The following THOC5 variants were observed in gnomAD, a reference collection of about 807,000 sequenced individuals.
THOC5 encodes THO complex subunit 5, also known as Fms-interacting protein.
In THOC5, 43 loss-of-function variants were observed where a neutral mutation model predicts 92.9. The observed-to-expected ratio is 0.46, with a 90% CI of 0.36 to 0.60. THOC5 has a LOEUF of 0.60. Among genes scored for constraint, THOC5 ranks in the 20% least tolerant of loss-of-function variants. THOC5 has a pLI of 0.00. For missense variants in THOC5, 659 were observed against 849.4 expected (o/e 0.78, Z 2.79); for synonymous variants, 296 against 320.1 (o/e 0.92, Z 0.80).
chr22:29,528,286 C>T, intron 10 of THOC5, 109 bp from the exon 11 acceptor site: 3 of 1,614,014 alleles, frequency 1.9e-6, no homozygotes, highest in South Asian at 1.1e-5. Context: ...GCTGCTTCAG[C>T]TAGCTGGGTT....
At chr22:29,545,400 C>T (rs767106076) in intron 2 of THOC5, among the ~76,000 whole-genome samples, 43 of 152,142 alleles carry the variant, frequency 2.8e-4, no homozygotes, top group Non-Finnish European at 1.2e-4. Context: ...CCAACAGTCG[C>T]CCAAAGTCTT....
intron 17 of THOC5, among the ~76,000 whole-genome samples, chr22:29,514,409 C>T (rs2063292209): frequency 1.3e-5 from 2 of 151,006 alleles, no homozygotes; most frequent in Admixed American, 6.6e-5. Flanking sequence ...CTCCGCCTCC[C>T]GGGTTCACGC....
At chr22:29,516,940 A>T in intron 17 of THOC5, 89 bp downstream of exon 17, 2 of 1,281,958 alleles carry the variant, frequency 1.6e-6, no homozygotes, top group Non-Finnish European at 2.3e-6. Context: ...GCAGGACTCC[A>T]GGATCTTCTG....
chr22:29,509,512 G>C (rs1165183699), intron 19 of THOC5, among the ~76,000 whole-genome samples: 1 of 151,726 alleles, frequency 6.6e-6, no homozygotes, highest in Non-Finnish European at 1.5e-5. Flanking sequence ...AGCTGGAACT[G>C]GTTATTATGA....
chr22:29,534,431 A>T (rs2063714518), intron 7 of THOC5: 1 of 151,360 alleles, frequency 6.6e-6, no homozygotes, highest in African/African-American at 2.4e-5. Context: ...TGTATAAAAA[A>T]CTCTGTTTTA....
At chr22:29,518,972 T>A (rs2063384579) in intron 15 of THOC5, 34 bp downstream of exon 15, 2 of 1,331,026 alleles carry the variant, frequency 1.5e-6, no homozygotes, top group East Asian at 4.9e-5. Context: ...GTTGTCTGAG[T>A]GACTCTTAAA....
At chr22:29,549,361 C>G (rs922169739) in intron 1 of THOC5, among the ~76,000 whole-genome samples, 3 of 152,166 alleles carry the variant, frequency 2.0e-5, no homozygotes, top group African/African-American at 7.2e-5. Flanking sequence ...AAAAAGGCAT[C>G]ACCACCCACT....
intron 1 of THOC5, among the ~76,000 whole-genome samples, chr22:29,552,579 G>T (rs2064186570): frequency 6.7e-6 from 1 of 150,078 alleles, no homozygotes; most frequent in Non-Finnish European, 1.5e-5. Context: ...GGGAGGTGGG[G>T]GCCAGCCCCA....
intron 15 of THOC5, among the ~76,000 whole-genome samples, chr22:29,518,253 G>T (rs1016667817): frequency 2.6e-5 from 4 of 152,048 alleles, no homozygotes; most frequent in Non-Finnish European, 4.4e-5. Flanking sequence ...GGCTGGTCTT[G>T]AACTCCTGAC....
intron 19 of THOC5, 77 bp from the exon 20 acceptor site, chr22:29,508,597 A>T (rs1478480682): frequency 1.5e-6 from 2 of 1,332,206 alleles, no homozygotes; most frequent in Non-Finnish European, 2.1e-6. Flanking sequence ...CATTCACACA[A>T]GGGAAAAAGA....
At chr22:29,546,285 G>T (rs116348540) in intron 2 of THOC5, among the ~76,000 whole-genome samples, 2 of 152,142 alleles carry the variant, frequency 1.3e-5, no homozygotes, top group African/African-American at 4.8e-5. Flanking sequence ...GCTGCCGTGA[G>T]GTCTCTGACA....
chr22:29,511,951 T>C (rs914532776), intron 18 of THOC5, 70 bp downstream of exon 18: 28 of 1,302,050 alleles, frequency 2.2e-5, no homozygotes, highest in Non-Finnish European at 2.7e-5. Context: ...TCAGCTGCAG[T>C]GGGTTCTGCC....
At position 29,508,003 on chromosome 22, in the gene THOC5, G is replaced by A. The variant is rs2063154407; in HGVS notation, c.*454C>T. 1 of 167,698 alleles carries A rather than the reference G, an allele frequency of 6.0e-6. No homozygotes were observed. Among genetic ancestry groups the A allele is most frequent in the Admixed American group, 5.9e-5 (1 of 17,050 alleles). 10.4% of individuals were successfully genotyped at this position (167,698 alleles called of 1,614,324 possible). ...ATTTGTCCATCGGCAACCCTGACAGGACTAATGGGAAGAGCGGGTGGGGAG... is the reference window on the plus strand; with the variant it reads ...ATTTGTCCATCGGCAACCCTGACAGAACTAATGGGAAGAGCGGGTGGGGAG... On this transcript the variant is annotated 3_prime_UTR_variant, in exon 20 of 20. Transcript: ENST00000490103.
chr22:29,550,522 G>A (rs2064120370), intron 1 of THOC5, among the ~76,000 whole-genome samples: 1 of 152,030 alleles, frequency 6.6e-6, no homozygotes. Flanking sequence ...TGTCACCCAA[G>A]CTGGAGTGCA....
intron 18 of THOC5, among the ~76,000 whole-genome samples, chr22:29,511,603 C>T (rs544190459): frequency 6.6e-6 from 1 of 152,358 alleles, no homozygotes; most frequent in Admixed American, 6.5e-5. Context: ...AAAACGTGTT[C>T]CATGGCATGT....
intron 1 of THOC5, among the ~76,000 whole-genome samples, chr22:29,549,572 T>C (rs1171252026): frequency 6.6e-6 from 1 of 152,200 alleles, no homozygotes; most frequent in Admixed American, 6.5e-5. Flanking sequence ...TGCCCAACAA[T>C]ACTGTCTAAA....
intron 5 of THOC5, 71 bp downstream of exon 5, chr22:29,542,788 C>A: frequency 9.9e-7 from 1 of 1,008,554 alleles, no homozygotes; most frequent in South Asian, 1.4e-5. Flanking sequence ...AACAGACTTA[C>A]AGTGAGCTAC....
chr22:29,530,981 C>T lies in THOC5; in HGVS notation c.847+850G>A, dbSNP rs1055237735. On this transcript the variant is annotated intron_variant, in intron 8 of 19. Transcript: ENST00000490103. Reference sequence around the variant, plus strand: ...GCTCCCATCAAGCACTGGCAAACAACAGACTATTTTTTTCAGCCATTTAAT... The same window carrying T: ...GCTCCCATCAAGCACTGGCAAACAATAGACTATTTTTTTCAGCCATTTAAT... 1.5e-5 allele frequency: 14 copies of T among 950,458 alleles called. No homozygotes were observed. In the Admixed American group the frequency reaches 6.7e-4, roughly 45 times the overall value. 58.9% of individuals were successfully genotyped at this position (950,458 alleles called of 1,614,324 possible). A position where few individuals can be genotyped will look rare whatever the true frequency, so the allele number is the denominator to read the frequency against.
chr22:29,543,468 G>A lies in THOC5; in HGVS notation c.315C>T (p.Ala105=), dbSNP rs1279304710. 2 of 1,613,858 alleles carry A rather than the reference G, an allele frequency of 1.2e-6. No individual in the cohort carries two copies. The highest frequency in any genetic ancestry group is 1.7e-6 in the Non-Finnish European group (2 of 1,179,978). The part of the protein sequence containing the change: ...FMTLKKLNRL[A]HIRLKKGRDQ... ...CTCTTCCTTTCTTCAACCTGATGTG[G>A]GCTAATCGGTTAAGCTTCTTTAGAG... Residue 105 remains alanine (A), a synonymous_variant, in exon 4 of 20, where the codon GCC becomes GCT. Transcript: ENST00000490103.
Sources: allele counts gnomAD v4.1 joint callset (sites outside exome capture counted in the v4.1 genomes callset), GRCh38; gene constraint gnomAD v4.1.1; transcripts MANE v1.5; gene names NCBI Gene and HGNC (gene_info 2026-07-23, HGNC 2026-07-21).